Variants in SNX31 observed in about 807,000 individuals in gnomAD.
SNX31 encodes sorting nexin-31.
Under a neutral mutation model 65.4 loss-of-function variants are expected in SNX31, and 58 were observed. That is an observed-to-expected ratio of 0.89 (90% confidence interval 0.72 to 1.10). SNX31 has a LOEUF of 1.10. Among genes scored for constraint, SNX31 ranks in the 50% least tolerant of loss-of-function variants. The pLI is 0.00. For missense variants in SNX31, 523 were observed against 529.7 expected (o/e 0.99, Z 0.12); for synonymous variants, 181 against 190.1 (o/e 0.95, Z 0.39).
chr8:100,636,109 C>T, intron 2 of SNX31, 98 bp from the exon 3 acceptor site: 1 of 763,852 alleles, frequency 1.3e-6, no homozygotes. Context: ...CATCCCAGCA[C>T]TTTATTTCAA....
At chr8:100,639,770 A>G (rs543620162) in intron 2 of SNX31, among the ~76,000 whole-genome samples, 52 of 152,338 alleles carry the variant, frequency 3.4e-4, no homozygotes, top group African/African-American at 1.2e-3. Flanking sequence ...CAGATCTTAG[A>G]TTGCAATACC....
rs752554272 is a variant in SNX31, at chr8:100,596,879, A to C, written c.775-37T>G. The C allele has an allele frequency of 2.3e-5, 36 of 1,585,872 alleles. No individual in the cohort carries two copies. The highest frequency in any genetic ancestry group is 3.1e-5 in the Non-Finnish European group (36 of 1,155,810). ...AGGGTGATGTGGGGGGAGGGGAGGC[A>C]AGAGGAAGCAAAAGACCACTTGAAA... is the stretch of plus-strand genomic sequence containing the variant. On this transcript the variant is annotated intron_variant, in intron 9 of 13. Transcript: ENST00000311812.
At chr8:100,650,471 C>G (rs1819931460), upstream of SNX31, among the ~76,000 whole-genome samples, 1 of 152,144 alleles carries the variant, frequency 6.6e-6, no homozygotes, top group Non-Finnish European at 1.5e-5. Context: ...GGGTCTGAGT[C>G]GTTTACTGCA....
chr8:100,656,666 A>AAAAT (rs1820058137), intron 1 of SNX31, among the ~76,000 whole-genome samples: 1 of 146,512 alleles, frequency 6.8e-6, no homozygotes, highest in Non-Finnish European at 1.5e-5. Context: ...AAAAAAAAAA[A>AAAAT]CCTTTAAGAG....
chr8:100,588,792 G>A lies in SNX31; in HGVS notation c.1092+74C>T. ...CCTGCTCTAGTTGGGTTAGGGTCAT[G>A]TGCTTCATCCACCCCAGCAAGCAAG... is the stretch of plus-strand genomic sequence containing the variant. On this transcript the variant is annotated intron_variant, in intron 11 of 13. Transcript: ENST00000311812. This position sits in a 1 kb window ranked among gnomAD's most constrained non-coding sequence, Gnocchi z 4.8. 1.8e-6 allele frequency: 2 copies of A among 1,111,494 alleles called. No homozygotes were observed. The highest frequency in any genetic ancestry group is 2.7e-6 in the Non-Finnish European group (2 of 733,332). 68.9% of individuals were successfully genotyped at this position (1,111,494 alleles called of 1,614,324 possible).
In SNX31 at chr8:100,575,869, C is replaced by T. The variant is rs1024756284; in HGVS notation, c.1227+1150G>A. On this transcript the variant is annotated intron_variant, in intron 13 of 13. Transcript: ENST00000311812. This position sits in a 1 kb window ranked among gnomAD's most constrained non-coding sequence, Gnocchi z 5.1. ...CAAATTTCTGAGGGTGGGGCTCAAG[C>T]ATTAGTTTTTAGAGCTCCCCAGGTG... Among the ~76,000 whole-genome samples the T allele has an allele frequency of 7.9e-5, 12 of 152,304 alleles. No individual in the cohort carries two copies. The highest frequency in any genetic ancestry group is 1.8e-4 in the Non-Finnish European group (12 of 68,024).
At chr8:100,620,396 G>A (rs1325789510) in intron 4 of SNX31, among the ~76,000 whole-genome samples, 1 of 152,168 alleles carries the variant, frequency 6.6e-6, no homozygotes, top group Non-Finnish European at 1.5e-5. Flanking sequence ...GATCACATTA[G>A]CAACAGGCTT....
At chr8:100,631,021 C>T (rs1818377311) in intron 3 of SNX31, among the ~76,000 whole-genome samples, 1 of 152,090 alleles carries the variant, frequency 6.6e-6, no homozygotes, top group Non-Finnish European at 1.5e-5. Context: ...TGCCCAACCT[C>T]AGGTGATCTG....
Position 100,573,745 on chromosome 8 carries a change from C to T in SNX31, c.*120G>A, listed in dbSNP as rs891690876. On this transcript the variant is annotated 3_prime_UTR_variant, in exon 14 of 14. Transcript: ENST00000311812. ...TGATGAATACAGTCCATGTTAATGC[C>T]AAAAAAATGGGAAGAGGTCAAATTT... 1.8e-5 allele frequency: 11 copies of T among 595,688 alleles called. No homozygotes were observed. The highest frequency in any genetic ancestry group is 1.7e-4 in the African/African-American group (9 of 52,422). 36.9% of individuals were successfully genotyped at this position (595,688 alleles called of 1,614,324 possible). A position where few individuals can be genotyped will look rare whatever the true frequency, so the allele number is the denominator to read the frequency against.
rs1020965690 is a variant in SNX31 at position 100,626,881 on chromosome 8, C to A, written c.321+3446G>T. 1.3e-5 allele frequency among the ~76,000 whole-genome samples: 2 copies of A among 151,632 alleles called. No homozygotes were observed. The highest frequency in any genetic ancestry group is 2.1e-4 in the South Asian group (1 of 4,798). ...TATAAAAGTGAGCTGGTAAAGTTCA[C>A]GGAAGAAATGGAAGAGGAAAATAAA... On this transcript the variant is annotated intron_variant, in intron 4 of 13. Transcript: ENST00000311812. The surrounding 1 kb of genome is among the most constrained non-coding windows in gnomAD (Gnocchi z 4.4).
Position 100,577,022 on chromosome 8 carries a change from G to A in SNX31, c.1224C>T (p.Ser408=). ...SKSKKYHIQQ[S]QQKDYSSFLS... ...TTACATAATTTTACTCACAGACCTG[G>A]CTTTGTTGAATGTGGTATTTTTTAC... is the stretch of plus-strand genomic sequence containing the variant. Residue 408 remains serine, a synonymous_variant, in exon 13 of 14, where the codon AGC becomes AGT. Transcript: ENST00000311812. The A allele has an allele frequency of 6.2e-7, 1 of 1,612,044 alleles. No homozygotes were observed. The highest frequency in any genetic ancestry group is 8.5e-7 in the Non-Finnish European group (1 of 1,178,616).
chr8:100,641,565 A>AAAATATATAT (rs1554587369), intron 2 of SNX31, among the ~76,000 whole-genome samples: 10 of 32,104 alleles, frequency 3.1e-4, no homozygotes, highest in Non-Finnish European at 3.7e-4. Context: ...AAAAAAAAAA[A>AAAATATATAT]ATATATATAT....
At chr8:100,603,185 C>T (rs186284366) in intron 8 of SNX31, among the ~76,000 whole-genome samples, 7 of 152,250 alleles carry the variant, frequency 4.6e-5, no homozygotes, top group Admixed American at 2.6e-4. Flanking sequence ...ACAGACCATA[C>T]GAGAAAGCAT....
At chr8:100,658,687 A>C (rs1259426218) in intron 1 of SNX31, among the ~76,000 whole-genome samples, 1 of 152,184 alleles carries the variant, frequency 6.6e-6, no homozygotes, top group Non-Finnish European at 1.5e-5. Flanking sequence ...CAGGATTTGA[A>C]ACTCGAGTGC....
In SNX31 at chr8:100,610,767, A is replaced by AT. The variant is rs1816641862; in HGVS notation, c.611+1232dup. Among the ~76,000 whole-genome samples the AT allele has an allele frequency of 6.6e-6, 1 of 152,246 alleles. No individual in the cohort carries two copies. Among genetic ancestry groups the AT allele is most frequent in the South Asian group, 2.1e-4 (1 of 4,838 alleles). ...CCTCAGGATACTTCTGAACAGCAGT[A>AT]TATGAACTGCCTTGCTGGGAATATC... On this transcript the variant is annotated intron_variant, in intron 7 of 13. Coordinates refer to ENST00000311812, the MANE Select transcript of SNX31 (RefSeq NM_152628.4). The surrounding 1 kb of genome is among the most constrained non-coding windows in gnomAD (Gnocchi z 4.0).
chr8:100,634,526 C>T (rs553625689), intron 3 of SNX31, among the ~76,000 whole-genome samples: 2 of 151,784 alleles, frequency 1.3e-5, no homozygotes, highest in East Asian at 1.9e-4. Flanking sequence ...GTGGGCAGAT[C>T]GTTTGAGATC....
At position 100,613,787 on chromosome 8, in the gene SNX31, C is replaced by T. The variant is rs568457504; in HGVS notation, c.433-702G>A. 3.3e-5 allele frequency among the ~76,000 whole-genome samples: 5 copies of T among 152,304 alleles called. No individual in the cohort carries two copies. Among genetic ancestry groups the T allele is most frequent in the Admixed American group, 6.5e-5 (1 of 15,292 alleles). On this transcript the variant is annotated intron_variant, in intron 5 of 13. Transcript: ENST00000311812. This position sits in a 1 kb window ranked among gnomAD's most constrained non-coding sequence, Gnocchi z 5.2. ...CCTCACAGCATTGGACATCTACTCA[C>T]GCTCCCTTAGCAGAAAATTCTACAC...
chr8:100,579,455 C>A (rs189752037), intron 12 of SNX31, among the ~76,000 whole-genome samples: 77 of 152,214 alleles, frequency 5.1e-4, no homozygotes, highest in African/African-American at 1.9e-3. Flanking sequence ...AGTAATTTCC[C>A]CCTGGCTGTC....
intron 10 of SNX31, among the ~76,000 whole-genome samples, chr8:100,596,405 G>C (rs921737395): frequency 1.3e-5 from 2 of 152,090 alleles, no homozygotes; most frequent in Admixed American, 1.3e-4. Context: ...TCAAGCAGTA[G>C]GGAGGCCTGT....
Sources: gnomAD v4.1 joint callset for allele counts (sites outside exome capture counted in the v4.1 genomes callset) on GRCh38, gnomAD v4.1.1 for gene constraint, Gnocchi (gnomAD v3.1) non-coding constraint, MANE v1.5 for transcripts, NCBI Gene and HGNC (gene_info 2026-07-23, HGNC 2026-07-21) for gene names.